The following ADGRG5 variants were observed in gnomAD, a reference collection of about 807,000 sequenced individuals.
The protein encoded by ADGRG5 is G protein-coupled receptor 114.
ADGRG5 carries 37 observed loss-of-function variants against 53.2 expected under a neutral mutation model. That is an observed-to-expected ratio of 0.70 (90% CI 0.53 to 0.91). ADGRG5 has a LOEUF of 0.91. Among genes scored for constraint, ADGRG5 ranks in the 40% least tolerant of loss-of-function variants. The pLI, the probability that ADGRG5 is intolerant of heterozygous loss-of-function variation, is 0.00. For missense variants in ADGRG5, 614 were observed against 675.8 expected (o/e 0.91, Z 1.01); for synonymous variants, 277 against 290.4 (o/e 0.95, Z 0.47).
chr16:57,550,408 A>G (rs1435667507), intron 1 of ADGRG5, among the ~76,000 whole-genome samples: 1 of 152,144 alleles, frequency 6.6e-6, no homozygotes, highest in Non-Finnish European at 1.5e-5. Flanking sequence ...AAAACATCAG[A>G]TATGTGTTTG....
Position 57,567,453 on chromosome 16 carries a change from C to G in ADGRG5, c.700-17C>G, listed in dbSNP as rs1336019870. 2.5e-6 allele frequency: 4 copies of G among 1,604,812 alleles called. No individual in the cohort carries two copies. Among genetic ancestry groups the G allele is most frequent in the Non-Finnish European group, 3.4e-6 (4 of 1,179,554 alleles). On this transcript the variant is annotated splice_polypyrimidine_tract_variant and intron_variant, in intron 7 of 11. Transcript: ENST00000349457. Reference sequence around the variant, plus strand: ...GATACTATGCTTCTGGCCTCCAGCCCCTCTTCCCTCCTGCAGCAACTCTCC... The same window carrying G: ...GATACTATGCTTCTGGCCTCCAGCCGCTCTTCCCTCCTGCAGCAACTCTCC...
intron 10 of ADGRG5, among the ~76,000 whole-genome samples, chr16:57,571,209 G>A (rs1442820817): frequency 6.6e-6 from 1 of 151,246 alleles, no homozygotes; most frequent in Non-Finnish European, 1.5e-5. Context: ...CTTGGCTGAT[G>A]CAGGCTCAGG....
the ADGRG5 span, among the ~76,000 whole-genome samples, chr16:57,537,510 T>C: frequency 1.3e-5 from 2 of 152,226 alleles, no homozygotes; most frequent in Non-Finnish European, 2.9e-5. Context: ...ATGTTAACAC[T>C]GGAAGTCTTG....
intron 1 of ADGRG5, among the ~76,000 whole-genome samples, chr16:57,557,198 C>T (rs1391905242): frequency 3.3e-5 from 5 of 152,208 alleles, no homozygotes; most frequent in South Asian, 2.1e-4. Context: ...GTGTGAGCCA[C>T]TGCACCCGAC....
intron 10 of ADGRG5, among the ~76,000 whole-genome samples, chr16:57,573,878 C>G (rs1269320692): frequency 2.0e-5 from 3 of 152,126 alleles, no homozygotes; most frequent in Non-Finnish European, 2.9e-5. Context: ...CCTGCCACCA[C>G]GCCCAGCTAA....
intron 1 of ADGRG5, among the ~76,000 whole-genome samples, chr16:57,555,780 A>G (rs1417776523): frequency 6.6e-6 from 1 of 152,158 alleles, no homozygotes; most frequent in Non-Finnish European, 1.5e-5. Flanking sequence ...ACTTATTGAT[A>G]TGGTTTGGCT....
At chr16:57,550,688 G>A (rs1219213230) in intron 1 of ADGRG5, among the ~76,000 whole-genome samples, 1 of 152,120 alleles carries the variant, frequency 6.6e-6, no homozygotes, top group African/African-American at 2.4e-5. Flanking sequence ...AGCAAATATG[G>A]TAATAAAGTG....
rs770809934 is a variant in ADGRG5 at position 57,565,013 on chromosome 16, C to G, written c.430-21C>G. 8.6e-6 allele frequency: 13 copies of G among 1,505,762 alleles called. No homozygotes were observed. In the South Asian group the frequency reaches 1.0e-4, roughly 12 times the overall value. 93.3% of individuals were successfully genotyped at this position (1,505,762 alleles called of 1,614,324 possible). On this transcript the variant is annotated intron_variant, in intron 5 of 11. Coordinates refer to ENST00000349457, the MANE Select transcript of ADGRG5 (RefSeq NM_001304376.3). ...CTCCCCATTTCCCCTCCACTCAGCC[C>G]TTCTCCTGCTGCCCTTCCAGGATGA...
intron 1 of ADGRG5, among the ~76,000 whole-genome samples, chr16:57,543,384 G>A (rs1265916546): frequency 2.1e-5 from 3 of 139,814 alleles, no homozygotes; most frequent in Non-Finnish European, 4.5e-5. Context: ...CCAGGTTCAA[G>A]CGATTCTCCT....
upstream of ADGRG5, among the ~76,000 whole-genome samples, chr16:57,539,917 A>T (rs2032465567): frequency 6.6e-6 from 1 of 152,118 alleles, no homozygotes; most frequent in Non-Finnish European, 1.5e-5. Context: ...AAAATAAGGG[A>T]CATAGTCTGT....
At position 57,567,586 on chromosome 16, in the gene ADGRG5, T is replaced by C. The variant is rs1404000943; in HGVS notation, c.816T>C (p.His272=). The change falls in exon 8 of 12, where the codon CAT becomes CAC. Residue 272 remains histidine (H), a synonymous_variant. Transcript: ENST00000349457. ...ASLITVLLHF[H]FRKQSDSLTR... ...TGATCACAGTCCTGCTGCACTTCCATTTCAGGTATTCCGCTGCCACAGTGC... is the reference window on the plus strand; with the variant it reads ...TGATCACAGTCCTGCTGCACTTCCACTTCAGGTATTCCGCTGCCACAGTGC... 1.2e-6 allele frequency: 2 copies of C among 1,610,300 alleles called. No homozygotes were observed.
intron 1 of ADGRG5, among the ~76,000 whole-genome samples, chr16:57,558,578 G>A (rs1250185698): frequency 6.6e-6 from 1 of 152,242 alleles, no homozygotes; most frequent in Non-Finnish European, 1.5e-5. Context: ...AGCCCCAGGA[G>A]TAGGGCTTTC....
intron 1 of ADGRG5, among the ~76,000 whole-genome samples, chr16:57,558,121 G>T (rs537549589): frequency 2.6e-4 from 40 of 152,310 alleles, no homozygotes; most frequent in Non-Finnish European, 4.1e-4. Flanking sequence ...GTTGATTTAG[G>T]TTTAAGTTTT....
intron 1 of ADGRG5, among the ~76,000 whole-genome samples, chr16:57,560,609 T>C (rs533740605): frequency 6.6e-6 from 1 of 152,244 alleles, no homozygotes; most frequent in African/African-American, 2.4e-5. Flanking sequence ...ATTGCTTAAT[T>C]CCCCCTTCTG....
Position 57,567,514 on chromosome 16 carries a change from T to C in ADGRG5, c.744T>C (p.Leu248=). The C allele has an allele frequency of 5.6e-6, 9 of 1,611,398 alleles. No homozygotes were observed. Among genetic ancestry groups the C allele is most frequent in the Non-Finnish European group, 7.6e-6 (9 of 1,179,830 alleles). Residue 248 remains leucine (L), a synonymous_variant, in exon 8 of 12, where the codon CTT becomes CTC. Transcript: ENST00000349457. The part of the protein sequence containing the change: ...ALVPAELLAP[L]TYISLVGCSI... ...TCCCTGCAGAGTTGCTGGCACCTCT[T>C]ACGTACATCTCCCTCGTGGGCTGCA...
At chr16:57,557,004 G>A (rs2032899629) in intron 1 of ADGRG5, among the ~76,000 whole-genome samples, 1 of 148,042 alleles carries the variant, frequency 6.8e-6, no homozygotes, top group Non-Finnish European at 1.5e-5. Flanking sequence ...TGACCTCCTG[G>A]ACTCAAGTGA....
chr16:57,574,735 G>A lies in ADGRG5; in HGVS notation c.1209-80G>A. The A allele has an allele frequency of 1.4e-6, 2 of 1,430,842 alleles. No individual in the cohort carries two copies. Among genetic ancestry groups the A allele is most frequent in the South Asian group, 1.4e-5 (1 of 71,590 alleles). 88.6% of individuals were successfully genotyped at this position (1,430,842 alleles called of 1,614,324 possible). ...AATAGGGCCTGAGCCAGGAGACCGA[G>A]TGGGGCTTCAGGGAGTGATGCTGGC... On this transcript the variant is annotated intron_variant, in intron 10 of 11. Coordinates refer to ENST00000349457, the MANE Select transcript of ADGRG5 (RefSeq NM_001304376.3). The surrounding 1 kb of genome is among the most constrained non-coding windows in gnomAD (Gnocchi z 4.4).
At chr16:57,558,077 C>T (rs2032923422) in intron 1 of ADGRG5, among the ~76,000 whole-genome samples, 1 of 152,176 alleles carries the variant, frequency 6.6e-6, no homozygotes, top group Non-Finnish European at 1.5e-5. Flanking sequence ...TATGTCGTGG[C>T]TGTAGTATAG....
chr16:57,549,533 T>C (rs987084919), intron 1 of ADGRG5, among the ~76,000 whole-genome samples: 5 of 152,228 alleles, frequency 3.3e-5, no homozygotes, highest in Admixed American at 2.0e-4. Context: ...ATCCTCTTAA[T>C]ATGTTTTTTG....
Sources: gnomAD v4.1 joint callset for allele counts (sites outside exome capture counted in the v4.1 genomes callset) on GRCh38, gnomAD v4.1.1 for gene constraint, Gnocchi (gnomAD v3.1) non-coding constraint, MANE v1.5 for transcripts, NCBI Gene and HGNC (gene_info 2026-07-23, HGNC 2026-07-21) for gene names.